LRRC8D: variants seen among roughly 807,000 people sequenced by gnomAD.
LRRC8D encodes leucine rich repeat containing 8 VRAC subunit D.
LRRC8D carries 20 observed loss-of-function variants against 55.8 expected under a neutral mutation model. The observed-to-expected ratio is 0.36, with a 90% CI of 0.25 to 0.52. The LOEUF is 0.52. Among genes scored for constraint, LRRC8D ranks in the 20% least tolerant of loss-of-function variants. The pLI is 0.93. For missense variants in LRRC8D, 651 were observed against 1,030.8 expected (o/e 0.63, Z 5.05); for synonymous variants, 352 against 377.0 (o/e 0.93, Z 0.77).
chr1:89,849,687 C>G (rs1341677809), intron 2 of LRRC8D, among the ~76,000 whole-genome samples: 7 of 151,996 alleles, frequency 4.6e-5, no homozygotes, highest in African/African-American at 1.2e-4. Context: ...ATGTCTTTAG[C>G]CTGCCCTTTA....
chr1:89,919,965 G>C (rs1194710234), intron 2 of LRRC8D, among the ~76,000 whole-genome samples: 1 of 152,164 alleles, frequency 6.6e-6, no homozygotes, highest in East Asian at 1.9e-4. Context: ...CATGATTTAA[G>C]GGAATGCTGG....
At chr1:89,854,823 C>G (rs1181107789) in intron 2 of LRRC8D, among the ~76,000 whole-genome samples, 1 of 152,174 alleles carries the variant, frequency 6.6e-6, no homozygotes, top group Non-Finnish European at 1.5e-5. Context: ...TAACCGTACC[C>G]AGGTGTCTGC....
At chr1:89,874,226 G>A (rs916010780) in intron 2 of LRRC8D, among the ~76,000 whole-genome samples, 11 of 152,140 alleles carry the variant, frequency 7.2e-5, no homozygotes, top group Non-Finnish European at 1.6e-4. Flanking sequence ...CAGTTTATGT[G>A]GCTTATCAAG....
chr1:89,836,443 G>A (rs761362408), intron 1 of LRRC8D, among the ~76,000 whole-genome samples: 6 of 152,078 alleles, frequency 3.9e-5, no homozygotes, highest in South Asian at 2.1e-4. Flanking sequence ...CTGCCTGTGC[G>A]GCATATTTGT....
chr1:89,934,866 A>T lies in LRRC8D; in HGVS notation c.1798A>T (p.Thr600Ser). ...LKILHVKSNLTKVPSNITDVA... is the reference protein window; with the variant it reads ...LKILHVKSNLSKVPSNITDVA... ...GATTCTCCACGTGAAGAGCAATTTG[A>T]CCAAAGTTCCCTCCAACATTACAGA... Residue 600 changes from threonine (T) to serine (S), a missense_variant, in exon 3 of 3, where the codon ACC becomes TCC. By Grantham distance (58) the Thr-to-Ser change is moderately conservative. Coordinates refer to ENST00000337338, the MANE Select transcript of LRRC8D (RefSeq NM_001134479.2). This position sits in a 1 kb window ranked among gnomAD's most constrained non-coding sequence, Gnocchi z 5.9. 1 of 1,614,136 alleles carries T rather than the reference A, an allele frequency of 6.2e-7. No individual in the cohort carries two copies. The highest frequency in any genetic ancestry group is 8.5e-7 in the Non-Finnish European group (1 of 1,180,008).
At chr1:89,865,952 T>G (rs1661830310) in intron 2 of LRRC8D, among the ~76,000 whole-genome samples, 1 of 152,222 alleles carries the variant, frequency 6.6e-6, no homozygotes, top group Non-Finnish European at 1.5e-5. Context: ...ATTATAGAAA[T>G]GACTCATTCA....
chr1:89,931,003 ATTTTTTTTTTTTTT>A (rs56714673), intron 2 of LRRC8D, among the ~76,000 whole-genome samples: 1 of 120,962 alleles, frequency 8.3e-6, no homozygotes, highest in Non-Finnish European at 1.7e-5. Context: ...TTCCTTGGTA[ATTTTTTTTTTTTTT>A]TTTTTTTTTT....
chr1:89,833,503 C>T (rs76939188), intron 1 of LRRC8D, among the ~76,000 whole-genome samples: 2,074 of 152,212 alleles, frequency 0.014, 45 homozygotes, highest in East Asian at 0.1. Flanking sequence ...CTTTTTGCAA[C>T]CTATTTGGAG....
intron 2 of LRRC8D, among the ~76,000 whole-genome samples, chr1:89,920,325 T>G (rs527339393): frequency 1.3e-4 from 20 of 152,214 alleles, no homozygotes; most frequent in Non-Finnish European, 7.3e-5. Context: ...TCACAAGTTA[T>G]GAATTTTCTA....
rs116301821 is a variant in LRRC8D at position 89,925,424 on chromosome 1, C to T, written c.-2-7643C>T. Among the ~76,000 whole-genome samples, 393 of 152,160 alleles carry T rather than the reference C, an allele frequency of 2.6e-3. 1 individual carries two copies. Among genetic ancestry groups the T allele is most frequent in the African/African-American group, 9.1e-3 (378 of 41,492 alleles). On this transcript the variant is annotated intron_variant, in intron 2 of 2. Coordinates refer to ENST00000337338, the MANE Select transcript of LRRC8D (RefSeq NM_001134479.2). The stretch of plus-strand genomic sequence containing the variant: ...CAAATGTGATGCACTTGAGTTAGCC[C>T]GAAACCATCCCCCTCCCCCGTCCAT...
At chr1:89,891,705 T>C (rs1266130715) in intron 2 of LRRC8D, among the ~76,000 whole-genome samples, 2 of 152,266 alleles carry the variant, frequency 1.3e-5, no homozygotes, top group Non-Finnish European at 2.9e-5. Context: ...ATGTTGATTA[T>C]AATTATAATG....
At chr1:89,909,023 C>G (rs927467074) in intron 2 of LRRC8D, among the ~76,000 whole-genome samples, 2 of 151,522 alleles carry the variant, frequency 1.3e-5, no homozygotes, top group South Asian at 4.2e-4. Flanking sequence ...GGTGTGTTTG[C>G]GTGTGTGTGT....
rs1663844764 is a variant in LRRC8D, at chr1:89,935,996, A to C, written c.*351A>C. 4.9e-6 allele frequency: 1 copy of C among 204,012 alleles called. No individual in the cohort carries two copies. The highest frequency in any genetic ancestry group is 2.4e-5 in the African/African-American group (1 of 42,166). 12.6% of individuals were successfully genotyped at this position (204,012 alleles called of 1,614,324 possible). On this transcript the variant is annotated 3_prime_UTR_variant, in exon 3 of 3. Transcript: ENST00000337338. ...TAAATGATTAAATTGACATTTTCTT[A>C]CTATATCACCTTTTTTGAGGGGTCT... is the stretch of plus-strand genomic sequence containing the variant.
rs568692732 is a variant in LRRC8D, at chr1:89,934,080, G to T, written c.1012G>T (p.Val338Phe). ...TGTCAACGCAATCAGCTTTGAACAC[G>T]TCTGCAAGCCCAAAGTTGAGCATCT... ...NFVNAISFEH[V>F]CKPKVEHLIG... The change falls in exon 3 of 3, where the codon GTC becomes TTC. Residue 338 changes from valine (V) to phenylalanine (F), a missense_variant. By Grantham distance (50) the Val-to-Phe change is conservative. Transcript: ENST00000337338. The surrounding 1 kb of genome is among the most constrained non-coding windows in gnomAD (Gnocchi z 5.9). The T allele has an allele frequency of 6.2e-7, 1 of 1,614,160 alleles. No homozygotes were observed. Among genetic ancestry groups the T allele is most frequent in the African/African-American group, 1.3e-5 (1 of 75,044 alleles).
At chr1:89,875,174 T>C (rs1259838207) in intron 2 of LRRC8D, among the ~76,000 whole-genome samples, 1 of 152,218 alleles carries the variant, frequency 6.6e-6, no homozygotes, top group Non-Finnish European at 1.5e-5. Context: ...TGATTGAAAA[T>C]ACAAATGCCT....
At chr1:89,914,027 A>T (rs1280662856) in intron 2 of LRRC8D, among the ~76,000 whole-genome samples, 1 of 152,216 alleles carries the variant, frequency 6.6e-6, no homozygotes, top group African/African-American at 2.4e-5. Flanking sequence ...TGCCAATTTC[A>T]TCTCTTTGTA....
At chr1:89,834,929 G>A (rs942118409) in intron 1 of LRRC8D, among the ~76,000 whole-genome samples, 7 of 152,226 alleles carry the variant, frequency 4.6e-5, no homozygotes, top group Non-Finnish European at 8.8e-5. Flanking sequence ...ATTACAGAGG[G>A]CCTAGAGTGT....
At chr1:89,917,484 G>A (rs1663304883) in intron 2 of LRRC8D, among the ~76,000 whole-genome samples, 1 of 152,104 alleles carries the variant, frequency 6.6e-6, no homozygotes, top group South Asian at 2.1e-4. Context: ...CACACTGCAT[G>A]TTCCTGTGAC....
intron 2 of LRRC8D, among the ~76,000 whole-genome samples, chr1:89,928,622 G>A (rs990925703): frequency 6.6e-6 from 1 of 152,136 alleles, no homozygotes; most frequent in Non-Finnish European, 1.5e-5. Context: ...GGAGTCTGGG[G>A]CCGGAGCTGG....
Sources: gnomAD v4.1 joint callset for allele counts (sites outside exome capture counted in the v4.1 genomes callset) on GRCh38, gnomAD v4.1.1 for gene constraint, Gnocchi (gnomAD v3.1) non-coding constraint, MANE v1.5 for transcripts, NCBI Gene and HGNC (gene_info 2026-07-23, HGNC 2026-07-21) for gene names.